The following DNAH9 variants were observed in gnomAD, a reference collection of about 807,000 sequenced individuals.
The protein encoded by DNAH9 is DNAH9 variant protein.
A neutral mutation model predicts 471.6 loss-of-function variants in DNAH9; 345 were observed. The observed-to-expected ratio is 0.73, with a 90% CI of 0.67 to 0.80. DNAH9 has a LOEUF of 0.80. DNAH9 is among the 30% of genes least tolerant of loss of function. The probability of loss-of-function intolerance (pLI) is 0.00; values close to 1 mark genes in which losing one functional copy is unlikely to be tolerated. For synonymous variants in DNAH9, 2,093 were observed against 2,123.6 expected (o/e 0.99, Z 0.40); for missense variants, 5,407 against 5,609.2 (o/e 0.96, Z 1.15).
intron 45 of DNAH9, among the ~76,000 whole-genome samples, chr17:11,821,599 T>A (rs8182256): frequency 0.51 from 77,252 of 151,998 alleles, 20,779 homozygotes; most frequent in Non-Finnish European, 0.59. Flanking sequence ...GAGGGCACAA[T>A]ACAAAAAGGG....
At chr17:11,792,869 G>T (rs951826118) in intron 41 of DNAH9, among the ~76,000 whole-genome samples, 2 of 152,184 alleles carry the variant, frequency 1.3e-5, no homozygotes, top group Non-Finnish European at 1.5e-5. Flanking sequence ...ATGAAATGGG[G>T]CGTGTTTTCT....
intron 22 of DNAH9, among the ~76,000 whole-genome samples, chr17:11,697,706 C>A (rs1322108734): frequency 1.3e-5 from 2 of 152,052 alleles, no homozygotes; most frequent in African/African-American, 4.8e-5. Context: ...ATTACCTTCT[C>A]TTTCATCGTA....
At chr17:11,663,319 C>G (rs2150719011) in intron 14 of DNAH9, among the ~76,000 whole-genome samples, 1 of 152,286 alleles carries the variant, frequency 6.6e-6, no homozygotes, top group African/African-American at 2.4e-5. Context: ...GAGCCAGCCC[C>G]GACAGCAGCA....
intron 49 of DNAH9, among the ~76,000 whole-genome samples, chr17:11,843,119 G>A (rs1243481163): frequency 2.6e-5 from 4 of 152,250 alleles, no homozygotes; most frequent in Middle Eastern, 3.4e-3. Flanking sequence ...TGTCATTAAC[G>A]TAGAGAAAGT....
At position 11,711,964 on chromosome 17, in the gene DNAH9, ATATATTTGTATATATATT is replaced by A. The variant is rs1247080592; in HGVS notation, c.5552+6785_5552+6802del. Among the ~76,000 whole-genome samples the A allele has an allele frequency of 4.3e-3, 37 of 8,602 alleles. 12 individuals are homozygous for A. The highest frequency in any genetic ancestry group is 0.024 in the Admixed American group (8 of 334). The allele number at this position is 8,602 out of a possible 152,430, so 5.6% of individuals were successfully genotyped here. On this transcript the variant is annotated intron_variant, in intron 26 of 68. Transcript: ENST00000262442. The stretch of plus-strand genomic sequence containing the variant: ...TGTATATATATTTATATATAAATAT[ATATATTTGTATATATATT>A]TATATATAAATATATATATTTGTAT...
In DNAH9 at chr17:11,854,231, C is replaced by G. The variant is rs1433238651; in HGVS notation, c.9736C>G (p.Gln3246Glu). The change falls in exon 50 of 69, where the codon CAA (glutamine) becomes GAA (glutamate). Residue 3246 changes from glutamine to glutamate, a missense_variant. By Grantham distance (29) the Gln-to-Glu change is conservative (BLOSUM62 2). Around this residue, in one of 3 missense-constraint regions of DNAH9, gnomAD observed 4,636 missense variants for 4,900.3 expected, o/e 0.95. Transcript: ENST00000262442. The stretch of plus-strand genomic sequence containing the variant: ...CCTCAAAGCCATCAGGCCGTATCTG[C>G]AAGACCCCGAGTTCAATCCTGAGTT... ...NCLKAIRPYL[Q>E]DPEFNPEFVA... The G allele has an allele frequency of 7.4e-6, 12 of 1,614,080 alleles. No individual in the cohort carries two copies. Among genetic ancestry groups the G allele is most frequent in the Non-Finnish European group, 1.0e-5 (12 of 1,180,052 alleles).
Position 11,647,175 on chromosome 17 carries a change from A to T in DNAH9, c.2074A>T (p.Ile692Phe), listed in dbSNP as rs1478921836. The change falls in exon 12 of 69, where the codon ATC becomes TTC. Residue 692 changes from isoleucine to phenylalanine, a missense_variant. Ile to Phe is a conservative substitution (Grantham distance 21, BLOSUM62 0). Around this residue, in one of 3 missense-constraint regions of DNAH9, gnomAD observed 4,636 missense variants for 4,900.3 expected, o/e 0.95. Coordinates refer to ENST00000262442, the MANE Select transcript of DNAH9 (RefSeq NM_001372.4). Reference protein sequence around the residue: ...LLKRDPETKEITINFNPQLIS... With the variant: ...LLKRDPETKEFTINFNPQLIS... ...AAAACGTGACCCAGAGACGAAGGAG[A>T]TCACTATCAACTTTAACCCACAGGT... 1 of 1,614,014 alleles carries T rather than the reference A, an allele frequency of 6.2e-7. No homozygotes were observed. Among genetic ancestry groups the T allele is most frequent in the Non-Finnish European group, 8.5e-7 (1 of 1,179,944 alleles).
Position 11,894,753 on chromosome 17 carries a change from C to T in DNAH9, c.11406+257C>T, listed in dbSNP as rs569695811. Among the ~76,000 whole-genome samples, 8 of 152,330 alleles carry T rather than the reference C, an allele frequency of 5.3e-5. No individual in the cohort carries two copies. The East Asian group carries it at 1.5e-3, about 29-fold the overall frequency. On this transcript the variant is annotated intron_variant, in intron 59 of 68. Coordinates refer to ENST00000262442, the MANE Select transcript of DNAH9 (RefSeq NM_001372.4). ...AAACAGAAAGTTCCTGTGAGCTCCC[C>T]TAAGTCACCTGAGCTGCTTTTCACC... is the stretch of plus-strand genomic sequence containing the variant.
rs868435591 is a variant in DNAH9 at position 11,632,524 on chromosome 17, A to G, written c.1519-63A>G. On this transcript the variant is annotated intron_variant, in intron 7 of 68. Transcript: ENST00000262442. ...TCAAACACAAAAGTTAGCTGTGAGG[A>G]GCATAGTGGGGTTGGCTTACAGAAA... The G allele has an allele frequency of 2.3e-5, 18 of 772,710 alleles. No homozygotes were observed. In the Middle Eastern group the frequency reaches 1.2e-3, roughly 52 times the overall value. The allele number at this position is 772,710 out of a possible 1,614,324, so 47.9% of individuals were successfully genotyped here. A position where few individuals can be genotyped will look rare whatever the true frequency, so the allele number is the denominator to read the frequency against.
At chr17:11,728,847 A>G (rs555674172) in intron 28 of DNAH9, among the ~76,000 whole-genome samples, 2 of 152,346 alleles carry the variant, frequency 1.3e-5, no homozygotes, top group African/African-American at 4.8e-5. Context: ...TGTATGTGGA[A>G]AAGCTGAACA....
chr17:11,640,484 A>G lies in DNAH9; in HGVS notation c.1901+100A>G. ...ATGCAACCTGCTTAACGAAGGCCAG[A>G]AAATCATCTTCCTTTCTTTCCATTT... On this transcript the variant is annotated intron_variant, in intron 10 of 68. Transcript: ENST00000262442. The G allele has an allele frequency of 1.2e-5, 10 of 819,920 alleles. No homozygotes were observed. The South Asian group carries it at 1.3e-4, about 10-fold the overall frequency. 50.8% of individuals were successfully genotyped at this position (819,920 alleles called of 1,614,324 possible).
At chr17:11,721,276 T>G (rs2075053726) in intron 27 of DNAH9, among the ~76,000 whole-genome samples, 1 of 152,158 alleles carries the variant, frequency 6.6e-6, no homozygotes, top group Admixed American at 6.5e-5. Flanking sequence ...TTTGTTTTTT[T>G]GTTTTGTTTT....
At chr17:11,933,129 G>C (rs891164043) in intron 64 of DNAH9, among the ~76,000 whole-genome samples, 6 of 152,110 alleles carry the variant, frequency 3.9e-5, no homozygotes, top group Admixed American at 1.3e-4. Flanking sequence ...CAATGAACTT[G>C]TGGGCTTTGT....
In DNAH9 at chr17:11,623,868, T is replaced by C. The variant is rs2072921150; in HGVS notation, c.1350+4087T>C. Among the ~76,000 whole-genome samples, 1 of 152,188 alleles carries C rather than the reference T, an allele frequency of 6.6e-6. No individual in the cohort carries two copies. The highest frequency in any genetic ancestry group is 1.5e-5 in the Non-Finnish European group (1 of 68,032). On this transcript the variant is annotated intron_variant, in intron 6 of 68. Transcript: ENST00000262442. The surrounding 1 kb of genome is among the most constrained non-coding windows in gnomAD (Gnocchi z 4.1). ...TTAATCCCCACAATTCTCCCAGATT[T>C]CATTTCTCTGATGTGAGTTGCTTTT...
In DNAH9 at chr17:11,847,019, T is replaced by C. The variant is rs183028011; in HGVS notation, c.9508-6984T>C. Among the ~76,000 whole-genome samples the C allele has an allele frequency of 2.6e-4, 40 of 152,180 alleles. No homozygotes were observed. In the South Asian group the frequency reaches 3.3e-3, roughly 13 times the overall value. On this transcript the variant is annotated intron_variant, in intron 49 of 68. Coordinates refer to ENST00000262442, the MANE Select transcript of DNAH9 (RefSeq NM_001372.4). ...ATTTCCTTCTCCTGCCTAATTGCCCTGGCCAGAACTTCCAACACTATGTTG... is the reference window on the plus strand; with the variant it reads ...ATTTCCTTCTCCTGCCTAATTGCCCCGGCCAGAACTTCCAACACTATGTTG...
intron 14 of DNAH9, among the ~76,000 whole-genome samples, chr17:11,655,351 GGT>G (rs144975414): frequency 0.15 from 21,650 of 147,554 alleles, 1,738 homozygotes; most frequent in South Asian, 0.23. Context: ...AGCATTCCAT[GGT>G]GTGTGTGTGT....
chr17:11,694,171 C>T (rs1332789872), intron 21 of DNAH9, 150 bp from the exon 22 acceptor site: 5 of 1,180,584 alleles, frequency 4.2e-6, no homozygotes, highest in Non-Finnish European at 6.0e-6. Context: ...AAGGTAGACA[C>T]ATCCATGTAT....
At chr17:11,859,411 C>CAA (rs34446360) in intron 50 of DNAH9, among the ~76,000 whole-genome samples, 69 of 131,470 alleles carry the variant, frequency 5.2e-4, no homozygotes, top group Middle Eastern at 8.0e-3. Context: ...GACTCCGTCT[C>CAA]AAAAAAAAAA....
chr17:11,968,083 T>A (rs73980544), intron 68 of DNAH9, among the ~76,000 whole-genome samples: 6,790 of 152,242 alleles, frequency 0.045, 518 homozygotes, highest in African/African-American at 0.15. Context: ...AGAGTTTCTT[T>A]TTGGGGAGAT....
Sources: gnomAD v4.1 joint callset for allele counts (sites outside exome capture counted in the v4.1 genomes callset) on GRCh38, gnomAD v4.1.1 for gene constraint, gnomAD v4.1.1 regional missense constraint, Gnocchi (gnomAD v3.1) non-coding constraint, MANE v1.5 for transcripts, NCBI Gene and HGNC (gene_info 2026-07-23, HGNC 2026-07-21) for gene names.